The following BNIP2 variants were observed in gnomAD, a reference collection of about 807,000 sequenced individuals.
The protein encoded by BNIP2 is BCL2 interacting protein 2, also known as BCL2/adenovirus E1B 19 kDa protein-interacting protein 2.
A neutral mutation model predicts 43.4 loss-of-function variants in BNIP2; 36 were observed. The ratio of observed to expected loss-of-function variants is 0.83; its 90% CI spans 0.64 to 1.10. The LOEUF (loss-of-function observed/expected upper bound fraction) is 1.10. Ranked by LOEUF, BNIP2 falls within the 50% of genes least tolerant of loss-of-function variation. The pLI, the probability that BNIP2 is intolerant of heterozygous loss-of-function variation, is 0.00. For missense variants in BNIP2, 417 were observed against 374.1 expected, an observed-to-expected ratio of 1.11 and a Z score of -0.95; for synonymous variants, 146 against 121.0, an observed-to-expected ratio of 1.21 and a Z score of -1.35.
At chr15:59,683,878 C>G (rs1219685842) in intron 1 of BNIP2, among the ~76,000 whole-genome samples, 3 of 152,060 alleles carry the variant, frequency 2.0e-5, no homozygotes, top group African/African-American at 7.2e-5. Context: ...TCCGTCTATA[C>G]CATTTGATTT....
At chr15:59,679,437 C>T in intron 4 of BNIP2, 155 bp downstream of exon 4, 1 of 848,982 alleles carries the variant, frequency 1.2e-6, no homozygotes, top group Non-Finnish European at 1.7e-6. Context: ...CTGGTGTACT[C>T]TATACACACT....
chr15:59,669,255 T>G (rs1251148268), intron 8 of BNIP2, 21 bp downstream of exon 8: 1 of 1,483,626 alleles, frequency 6.7e-7, no homozygotes, highest in Non-Finnish European at 9.1e-7. Flanking sequence ...AAAATTAAAG[T>G]CAATGGCTCT....
chr15:59,666,828 T>TTA (rs1555396111), intron 9 of BNIP2, among the ~76,000 whole-genome samples: 6 of 150,482 alleles, frequency 4.0e-5, no homozygotes, highest in Non-Finnish European at 7.4e-5. Flanking sequence ...TAAACACAAG[T>TTA]AAAAAAAAAA....
intron 5 of BNIP2, among the ~76,000 whole-genome samples, chr15:59,673,137 T>TA (rs1420695549): frequency 6.9e-6 from 1 of 145,968 alleles, no homozygotes; most frequent in Non-Finnish European, 1.5e-5. Flanking sequence ...TTTTTTTTTT[T>TA]AGATGGAGTC....
intron 2 of BNIP2, 37 bp downstream of exon 2, chr15:59,682,371 T>G: frequency 6.4e-7 from 1 of 1,551,148 alleles, no homozygotes. Flanking sequence ...TTTGAACTTT[T>G]GCTCTAAAAT....
At chr15:59,684,865 C>T (rs1595708949) in intron 1 of BNIP2, among the ~76,000 whole-genome samples, 1 of 152,244 alleles carries the variant, frequency 6.6e-6, no homozygotes, top group East Asian at 1.9e-4. Flanking sequence ...AAGTTGTACC[C>T]AATATATTCC....
In BNIP2 at chr15:59,672,696, G is replaced by C. The variant is rs1893009701; in HGVS notation, c.516C>G (p.Val172=). The change falls in exon 6 of 10, where the codon GTC becomes GTG. Residue 172 remains valine (V), a synonymous_variant. Coordinates refer to ENST00000607373, the MANE Select transcript of BNIP2 (RefSeq NM_004330.4). Reference sequence around the variant, plus strand: ...GCTGACTACTTTCAGGCATGAAACAGACAGCAAACACAACAATGGCATTTA... The same window carrying C: ...GCTGACTACTTTCAGGCATGAAACACACAGCAAACACAACAATGGCATTTA... ...DGLNAIVVFA[V]CFMPESSQPN... is the part of the protein sequence containing the mutation. 6.2e-7 allele frequency: 1 copy of C among 1,613,578 alleles called. No individual in the cohort carries two copies. The highest frequency in any genetic ancestry group is 1.3e-5 in the African/African-American group (1 of 74,876).
rs1171965644 is a variant in BNIP2 at position 59,659,151 on chromosome 15, T to C, written c.*4918A>G. 6.6e-6 allele frequency: 1 copy of C among 152,168 alleles called. No homozygotes were observed. Among genetic ancestry groups the C allele is most frequent in the Non-Finnish European group, 1.5e-5 (1 of 68,034 alleles). The allele number at this position is 152,168 out of a possible 1,614,324, so 9.4% of individuals were successfully genotyped here. On this transcript the variant is annotated 3_prime_UTR_variant, in exon 10 of 10. Coordinates refer to ENST00000607373, the MANE Select transcript of BNIP2 (RefSeq NM_004330.4). ...GTGATAAAAAGACAAAGACGAACGT[T>C]CCAATTAATTTATTTAAATTCATTA...
At chr15:59,685,514 A>C (rs1893958040) in intron 1 of BNIP2, among the ~76,000 whole-genome samples, 1 of 152,140 alleles carries the variant, frequency 6.6e-6, no homozygotes, top group African/African-American at 2.4e-5. Context: ...AAACAAAACA[A>C]AACAAACAAC....
At position 59,663,271 on chromosome 15, in the gene BNIP2, T is replaced by G. The variant is rs1173873505; in HGVS notation, c.*798A>C. 6.6e-6 allele frequency: 1 copy of G among 152,412 alleles called. No individual in the cohort carries two copies. The highest frequency in any genetic ancestry group is 6.5e-5 in the Admixed American group (1 of 15,278). The allele number at this position is 152,412 out of a possible 1,614,324, so 9.4% of individuals were successfully genotyped here. A position where few individuals can be genotyped will look rare whatever the true frequency, so the allele number is the denominator to read the frequency against. On this transcript the variant is annotated 3_prime_UTR_variant, in exon 10 of 10. Coordinates refer to ENST00000607373, the MANE Select transcript of BNIP2 (RefSeq NM_004330.4). ...CATTAGTGAACAAACTCAAGATTTTTATAAAGTTCTGACTTTGGGCCAGAA... is the reference window on the plus strand; with the variant it reads ...CATTAGTGAACAAACTCAAGATTTTGATAAAGTTCTGACTTTGGGCCAGAA...
rs192513624 is a variant in BNIP2 at position 59,680,530 on chromosome 15, T to A, written c.51-222A>T. On this transcript the variant is annotated intron_variant, in intron 2 of 9. Coordinates refer to ENST00000607373, the MANE Select transcript of BNIP2 (RefSeq NM_004330.4). ...CTTAACTCCTGGGCTCAAGAGATCC[T>A]CCCGAGTATCTAAGACTACAGGTGC... 7.8e-4 allele frequency among the ~76,000 whole-genome samples: 119 copies of A among 152,194 alleles called. 2 individuals are homozygous for A. The highest frequency in any genetic ancestry group is 3.4e-3 in the Middle Eastern group (1 of 294).
rs1892202007 is a variant in BNIP2 at position 59,660,563 on chromosome 15, T to C, written c.*3506A>G. Reference sequence around the variant, plus strand: ...GTATAAAACACATGTCCAAATTCCCTGAGCATTCACATAAACAGCCAAATA... The same window carrying C: ...GTATAAAACACATGTCCAAATTCCCCGAGCATTCACATAAACAGCCAAATA... On this transcript the variant is annotated 3_prime_UTR_variant, in exon 10 of 10. Transcript: ENST00000607373. 1.3e-5 allele frequency: 2 copies of C among 152,232 alleles called. No individual in the cohort carries two copies. The highest frequency in any genetic ancestry group is 4.8e-5 in the African/African-American group (2 of 41,460). 9.4% of individuals were successfully genotyped at this position (152,232 alleles called of 1,614,324 possible).
rs1401584167 is a variant in BNIP2, at chr15:59,660,835, G to A, written c.*3234C>T. The A allele has an allele frequency of 6.6e-6, 1 of 152,092 alleles. No homozygotes were observed. The highest frequency in any genetic ancestry group is 2.4e-5 in the African/African-American group (1 of 41,414). 9.4% of individuals were successfully genotyped at this position (152,092 alleles called of 1,614,324 possible). The stretch of plus-strand genomic sequence containing the variant: ...CCTCAATCCTAAACTTTTAAGTGCT[G>A]TAACTGCTAACCTTCTCTGCTCGAA... On this transcript the variant is annotated 3_prime_UTR_variant, in exon 10 of 10. Transcript: ENST00000607373.
chr15:59,673,122 CT>C (rs35137131), intron 5 of BNIP2, among the ~76,000 whole-genome samples: 49,107 of 142,386 alleles, frequency 0.34, 8,091 homozygotes, highest in East Asian at 0.53. Context: ...AAAGTGGGTG[CT>C]TTTTTTTTTT....
intron 3 of BNIP2, 24 bp downstream of exon 3, chr15:59,680,217 T>A (rs780304938): frequency 6.0e-5 from 89 of 1,486,112 alleles, no homozygotes; most frequent in Non-Finnish European, 7.8e-5. Flanking sequence ...ATAATTTCAA[T>A]GAAAGTAAGT....
intron 1 of BNIP2, among the ~76,000 whole-genome samples, chr15:59,682,933 A>G (rs1295891572): frequency 6.6e-6 from 1 of 152,198 alleles, no homozygotes; most frequent in African/African-American, 2.4e-5. Context: ...TAGTAAATCA[A>G]TAATATTTAA....
chr15:59,675,437 T>C (rs1001620568), intron 5 of BNIP2, among the ~76,000 whole-genome samples: 11 of 150,476 alleles, frequency 7.3e-5, no homozygotes, highest in African/African-American at 2.7e-4. Context: ...GGTGAAACCC[T>C]TTCTCTACTA....
Position 59,679,786 on chromosome 15 carries a change from A to C in BNIP2, c.119-18T>G, listed in dbSNP as rs773942250. On this transcript the variant is annotated intron_variant, in intron 3 of 9. Transcript: ENST00000607373. ...TAGTGAGCCTGGAATTGGAAAATAA[A>C]GAAAAAGATACGTAACAAGGAATGC... 2.4e-5 allele frequency: 35 copies of C among 1,459,510 alleles called. No homozygotes were observed. The highest frequency in any genetic ancestry group is 3.0e-5 in the Non-Finnish European group (33 of 1,107,254). 90.4% of individuals were successfully genotyped at this position (1,459,510 alleles called of 1,614,324 possible).
Position 59,678,051 on chromosome 15 carries a change from C to T in BNIP2, c.332G>A (p.Arg111Lys), listed in dbSNP as rs1893421171. The change falls in exon 5 of 10, where the codon AGG (arginine) becomes AAG (lysine). Residue 111 changes from arginine to lysine, a missense_variant. Arg to Lys is a conservative substitution (Grantham distance 26). Coordinates refer to ENST00000607373, the MANE Select transcript of BNIP2 (RefSeq NM_004330.4). ...LPKPKTTEVI[R>K]KGSITEYTAA... Reference sequence around the variant, plus strand: ...TGTGTATTCAGTAATTGAGCCTTTCCTAATTACTTCAGTAGTCTTGGGTTT... The same window carrying T: ...TGTGTATTCAGTAATTGAGCCTTTCTTAATTACTTCAGTAGTCTTGGGTTT... 1.2e-6 allele frequency: 2 copies of T among 1,612,944 alleles called. No homozygotes were observed. Among genetic ancestry groups the T allele is most frequent in the African/African-American group, 2.7e-5 (2 of 74,882 alleles).
Sources: gnomAD v4.1 joint callset for allele counts (sites outside exome capture counted in the v4.1 genomes callset) on GRCh38, gnomAD v4.1.1 for gene constraint, MANE v1.5 for transcripts, NCBI Gene and HGNC (gene_info 2026-07-23, HGNC 2026-07-21) for gene names.